TRIM71: variants seen among roughly 807,000 people sequenced by gnomAD.
The protein encoded by TRIM71 is tripartite motif containing 71.
Under a neutral mutation model 61.2 loss-of-function variants are expected in TRIM71, and 9 were observed. The ratio of observed to expected loss-of-function variants is 0.15; its 90% CI spans 0.09 to 0.26. TRIM71 has a LOEUF of 0.26. TRIM71 is among the 10% of genes least tolerant of loss of function. The pLI, the probability that TRIM71 is intolerant of heterozygous loss-of-function variation, is 1.00. For missense variants in TRIM71, 998 were observed against 1,238.7 expected, an observed-to-expected ratio of 0.81 and a Z score of 2.92; for synonymous variants, 645 against 553.2, an observed-to-expected ratio of 1.17 and a Z score of -2.33.
At chr3:32,842,530 C>T (rs1014089445) in intron 1 of TRIM71, among the ~76,000 whole-genome samples, 26 of 152,230 alleles carry the variant, frequency 1.7e-4, no homozygotes, top group Admixed American at 6.5e-5. Context: ...TAGCACTTGT[C>T]AAATATGCAT....
intron 1 of TRIM71, among the ~76,000 whole-genome samples, chr3:32,841,562 T>G (rs1005717640): frequency 1.3e-5 from 2 of 151,520 alleles, no homozygotes; most frequent in African/African-American, 4.9e-5. Flanking sequence ...GAAGCAAGAT[T>G]ACGCCACTGT....
chr3:32,857,792 G>A (rs555881416), intron 1 of TRIM71, among the ~76,000 whole-genome samples: 76 of 152,274 alleles, frequency 5.0e-4, no homozygotes, highest in African/African-American at 1.7e-3. Context: ...CCAACATGGC[G>A]AAACCGTGTC....
At chr3:32,844,116 G>A (rs533612303) in intron 1 of TRIM71, among the ~76,000 whole-genome samples, 39 of 152,218 alleles carry the variant, frequency 2.6e-4, no homozygotes, top group South Asian at 1.5e-3. Context: ...ATTTTGTGTG[G>A]TTGTGTAAAT....
rs10630076 is a variant in TRIM71, at chr3:32,891,852, GTC to G, written c.*61_*62del. The G allele has an allele frequency of 4.8e-3, 6,804 of 1,408,014 alleles. 1 individual carries two copies. The highest frequency in any genetic ancestry group is 0.013 in the East Asian group (499 of 38,064). 87.2% of individuals were successfully genotyped at this position (1,408,014 alleles called of 1,614,324 possible). A position where few individuals can be genotyped will look rare whatever the true frequency, so the allele number is the denominator to read the frequency against. Reference sequence around the variant, plus strand: ...TTCTGTGTTTGGGGTGTGTGTGCGTGTCTCTCTCTCTCTCTCTCTCTTTCTCT... The same window carrying G: ...TTCTGTGTTTGGGGTGTGTGTGCGTGTCTCTCTCTCTCTCTCTCTTTCTCT... On this transcript the variant is annotated 3_prime_UTR_variant, in exon 4 of 4. Coordinates refer to ENST00000383763, the MANE Select transcript of TRIM71 (RefSeq NM_001039111.3). This position sits in a 1 kb window ranked among gnomAD's most constrained non-coding sequence, Gnocchi z 8.2.
intron 1 of TRIM71, among the ~76,000 whole-genome samples, chr3:32,838,363 T>C (rs1185192102): frequency 6.6e-6 from 1 of 151,960 alleles, no homozygotes; most frequent in Non-Finnish European, 1.5e-5. Context: ...TAGCTGGGAT[T>C]AGAGGCTTGT....
intron 1 of TRIM71, among the ~76,000 whole-genome samples, chr3:32,827,935 A>C (rs1158843512): frequency 1.3e-5 from 2 of 152,160 alleles, no homozygotes; most frequent in African/African-American, 4.8e-5. Flanking sequence ...GGATTTGGGG[A>C]AGTCGTTTCA....
At chr3:32,884,254 A>C (rs1378815305) in intron 2 of TRIM71, among the ~76,000 whole-genome samples, 2 of 152,058 alleles carry the variant, frequency 1.3e-5, no homozygotes, top group Non-Finnish European at 2.9e-5. Flanking sequence ...CCTGGCTTCC[A>C]TGGGTGTTTT....
chr3:32,872,141 ACT>A (rs897031190), intron 1 of TRIM71, among the ~76,000 whole-genome samples: 10 of 152,026 alleles, frequency 6.6e-5, no homozygotes, highest in African/African-American at 2.4e-4. Flanking sequence ...CAAGAGCAAG[ACT>A]CTGTCTCAAA....
Position 32,844,250 on chromosome 3 carries a change from G to A in TRIM71, c.852+25318G>A, listed in dbSNP as rs572327579. 9.1e-4 allele frequency among the ~76,000 whole-genome samples: 138 copies of A among 152,242 alleles called. 1 individual carries two copies. The highest frequency in any genetic ancestry group is 3.2e-3 in the African/African-American group (133 of 41,562). ...ATTTGCATCTTTAACAAGTACCTCT[G>A]GGGATTCTAATGCTGGTGGCCCCTT... On this transcript the variant is annotated intron_variant, in intron 1 of 3. Coordinates refer to ENST00000383763, the MANE Select transcript of TRIM71 (RefSeq NM_001039111.3).
At chr3:32,829,722 C>T (rs1391037887) in intron 1 of TRIM71, among the ~76,000 whole-genome samples, 1 of 151,672 alleles carries the variant, frequency 6.6e-6, no homozygotes, top group African/African-American at 2.4e-5. Flanking sequence ...GGCCTTAAGT[C>T]TTCATAGAAG....
chr3:32,818,181 C>T lies in TRIM71; in HGVS notation c.101C>T (p.Ser34Phe), dbSNP rs753999741. ...TCCTCCAACTCGTCCGCGTCGTCGT[C>T]CTCCTCGCAGACGTCCACGTCGTCG... is the stretch of plus-strand genomic sequence containing the variant. ...PLSSNSSASS[S>F]SSQTSTSSGG... The change falls in exon 1 of 4, where the codon TCC becomes TTC. Residue 34 changes from serine to phenylalanine, a missense_variant. Ser to Phe is a radical substitution (Grantham distance 155). This residue lies in a region of TRIM71 where 527 missense variants were observed against 427.8 expected (regional missense o/e 1.23). Coordinates refer to ENST00000383763, the MANE Select transcript of TRIM71 (RefSeq NM_001039111.3). 17 of 1,599,436 alleles carry T rather than the reference C, an allele frequency of 1.1e-5. No individual in the cohort carries two copies. Among genetic ancestry groups the T allele is most frequent in the East Asian group, 2.3e-5 (1 of 43,070 alleles).
At chr3:32,870,877 G>A (rs930911814) in intron 1 of TRIM71, among the ~76,000 whole-genome samples, 2 of 152,076 alleles carry the variant, frequency 1.3e-5, no homozygotes, top group African/African-American at 4.8e-5. Context: ...CAGTGCCATG[G>A]TCACGGCTCA....
Position 32,843,737 on chromosome 3 carries a change from C to G in TRIM71, c.852+24805C>G, listed in dbSNP as rs574473983. On this transcript the variant is annotated intron_variant, in intron 1 of 3. Coordinates refer to ENST00000383763, the MANE Select transcript of TRIM71 (RefSeq NM_001039111.3). ...AGCCCAGCCAAGGACAAGTAACATT[C>G]TGGAGGAGTCTTCGCCCAAGGGCCA... Among the ~76,000 whole-genome samples, 4 of 152,296 alleles carry G rather than the reference C, an allele frequency of 2.6e-5. No homozygotes were observed. In the South Asian group the frequency reaches 6.2e-4, roughly 24 times the overall value.
intron 3 of TRIM71, among the ~76,000 whole-genome samples, chr3:32,889,559 A>AATTATTATTATTATT (rs35065462): frequency 2.9e-5 from 4 of 139,604 alleles, no homozygotes; most frequent in Non-Finnish European, 3.1e-5. Context: ...GTTTTGTCCC[A>AATTATTATTATTATT]ATTATTATTA....
chr3:32,887,266 C>T (rs1478949496), intron 3 of TRIM71, among the ~76,000 whole-genome samples: 1 of 152,168 alleles, frequency 6.6e-6, no homozygotes, highest in Non-Finnish European at 1.5e-5. Context: ...TCTCTAAAGG[C>T]AGTTCTGTTT....
At chr3:32,875,019 C>T (rs748921826) in intron 2 of TRIM71, among the ~76,000 whole-genome samples, 1 of 152,054 alleles carries the variant, frequency 6.6e-6, no homozygotes, top group Non-Finnish European at 1.5e-5. Context: ...CGGGGTTTCA[C>T]CTTGCTGGCC....
chr3:32,828,408 TA>T (rs1696228525), intron 1 of TRIM71, among the ~76,000 whole-genome samples: 1 of 151,764 alleles, frequency 6.6e-6, no homozygotes, highest in South Asian at 2.1e-4. Context: ...TTTGCATCTG[TA>T]AAATGAGGGT....
chr3:32,864,656 G>C (rs1159832589), intron 1 of TRIM71, among the ~76,000 whole-genome samples: 1 of 152,236 alleles, frequency 6.6e-6, no homozygotes, highest in East Asian at 1.9e-4. Context: ...CCCAGGGGCA[G>C]AGCATGAGTG....
intron 1 of TRIM71, among the ~76,000 whole-genome samples, chr3:32,850,132 A>C (rs1322456858): frequency 6.6e-6 from 1 of 152,164 alleles, no homozygotes; most frequent in Non-Finnish European, 1.5e-5. Context: ...CTCTTTTCCA[A>C]AGGCAGGTAG....
Sources: gnomAD v4.1 joint callset for allele counts (sites outside exome capture counted in the v4.1 genomes callset) on GRCh38, gnomAD v4.1.1 for gene constraint, gnomAD v4.1.1 regional missense constraint, Gnocchi (gnomAD v3.1) non-coding constraint, MANE v1.5 for transcripts, NCBI Gene and HGNC (gene_info 2026-07-23, HGNC 2026-07-21) for gene names.